ENTREP2: variants seen among roughly 807,000 people sequenced by gnomAD.
ENTREP2 encodes the protein endosomal transmembrane epsin interactor 2, also known as protein ENTREP2.
the ENTREP2 span, among the ~76,000 whole-genome samples, chr15:29,460,724 G>A: frequency 6.6e-6 from 1 of 152,156 alleles, no homozygotes; most frequent in African/African-American, 2.4e-5. Context: ...GAGAAATTTA[G>A]CAATAACAAA....
chr15:29,167,148 C>T, the ENTREP2 span, among the ~76,000 whole-genome samples: 1 of 152,242 alleles, frequency 6.6e-6, no homozygotes. Flanking sequence ...CCTCATCTGT[C>T]ACCTTATACA....
At chr15:29,558,973 G>A in the ENTREP2 span, among the ~76,000 whole-genome samples, 2 of 151,872 alleles carry the variant, frequency 1.3e-5, no homozygotes, top group South Asian at 2.1e-4. Flanking sequence ...TCAATATGAG[G>A]CTATTAGTAG....
chr15:29,154,342 A>G, the ENTREP2 span, among the ~76,000 whole-genome samples: 1 of 152,156 alleles, frequency 6.6e-6, no homozygotes, highest in African/African-American at 2.4e-5. Context: ...GACTAAGATC[A>G]TGAAAGCAGA....
At chr15:29,168,415 T>C in the ENTREP2 span, among the ~76,000 whole-genome samples, 1 of 152,194 alleles carries the variant, frequency 6.6e-6, no homozygotes, top group East Asian at 1.9e-4. Flanking sequence ...ACAAAGACTC[T>C]TGTTGGTAGC....
the ENTREP2 span, among the ~76,000 whole-genome samples, chr15:29,182,998 G>A: frequency 6.6e-6 from 1 of 152,270 alleles, no homozygotes; most frequent in South Asian, 2.1e-4. Context: ...CTCAGTGTGA[G>A]AGGCAAAGTT....
At chr15:29,307,816 C>G in the ENTREP2 span, among the ~76,000 whole-genome samples, 6,192 of 152,236 alleles carry the variant, frequency 0.041, 401 homozygotes, top group African/African-American at 0.14. Flanking sequence ...CAAGTCCTCA[C>G]GAGAACCAGA....
chr15:29,229,770 T>G, the ENTREP2 span, among the ~76,000 whole-genome samples: 1 of 152,198 alleles, frequency 6.6e-6, no homozygotes, highest in Non-Finnish European at 1.5e-5. Flanking sequence ...GCTCCTGTAG[T>G]GCAGACTCTG....
the ENTREP2 span, among the ~76,000 whole-genome samples, chr15:29,344,931 GACACACACAC>G: frequency 8.8e-4 from 125 of 142,600 alleles, no homozygotes; most frequent in African/African-American, 1.6e-3. Context: ...CACGCGCGCA[GACACACACAC>G]ACACACACAC....
At chr15:29,275,333 T>C in the ENTREP2 span, among the ~76,000 whole-genome samples, 1 of 152,186 alleles carries the variant, frequency 6.6e-6, no homozygotes, top group Non-Finnish European at 1.5e-5. Flanking sequence ...GCTTGGGAGA[T>C]GAATAAAAAA....
chr15:29,136,223 G>C, the ENTREP2 span: 4 of 816,052 alleles, frequency 4.9e-6, no homozygotes, highest in Non-Finnish European at 7.1e-6. Context: ...GCATCCGGGG[G>C]CCTCGGCACA....
the ENTREP2 span, among the ~76,000 whole-genome samples, chr15:29,279,653 G>A: frequency 1.9e-3 from 290 of 152,188 alleles, 2 homozygotes; most frequent in Non-Finnish European, 2.4e-3. Flanking sequence ...ATGAGCCACC[G>A]CGCCTGGCCT....
chr15:29,314,538 T>C, the ENTREP2 span, among the ~76,000 whole-genome samples: 1 of 152,186 alleles, frequency 6.6e-6, no homozygotes, highest in Non-Finnish European at 1.5e-5. Context: ...TCAAGGTATA[T>C]GTATAATTTT....
the ENTREP2 span, among the ~76,000 whole-genome samples, chr15:29,277,351 A>G: frequency 1.7e-3 from 265 of 152,166 alleles, no homozygotes; most frequent in African/African-American, 6.2e-3. Flanking sequence ...CAAAGAAAAA[A>G]AAAAAAAAGT....
chr15:29,532,322 C>A, the ENTREP2 span, among the ~76,000 whole-genome samples: 1 of 152,142 alleles, frequency 6.6e-6, no homozygotes, highest in African/African-American at 2.4e-5. Context: ...GCATTAAAAT[C>A]TGATTAAAAT....
At chr15:29,333,420 C>T in the ENTREP2 span, among the ~76,000 whole-genome samples, 3 of 152,134 alleles carry the variant, frequency 2.0e-5, no homozygotes, top group Non-Finnish European at 2.9e-5. Context: ...AGACATCCAG[C>T]ACCCCCCGCC....
chr15:29,601,193 G>A, the ENTREP2 span, among the ~76,000 whole-genome samples: 10 of 148,892 alleles, frequency 6.7e-5, no homozygotes, highest in East Asian at 1.9e-4. Flanking sequence ...CACCGCGCCC[G>A]GCCTGATTTT....
At chr15:29,546,901 C>CA in the ENTREP2 span, among the ~76,000 whole-genome samples, 84 of 40,838 alleles carry the variant, frequency 2.1e-3, 1 homozygote, top group African/African-American at 0.014. Context: ...AAAAAAACAA[C>CA]AACAAAAAAA....
chr15:29,269,910 G>T, the ENTREP2 span: 1 of 514,062 alleles, frequency 1.9e-6, no homozygotes, highest in Non-Finnish European at 3.3e-6. Flanking sequence ...AAGGAACAGC[G>T]TTTTCCGTGC....
At chr15:29,428,739 C>T in the ENTREP2 span, among the ~76,000 whole-genome samples, 2 of 152,134 alleles carry the variant, frequency 1.3e-5, no homozygotes, top group Admixed American at 1.3e-4. Flanking sequence ...TGCCATTCAC[C>T]AGCACACACA....
Sources: allele counts gnomAD v4.1 joint callset (sites outside exome capture counted in the v4.1 genomes callset), GRCh38; gene constraint gnomAD v4.1.1; transcripts MANE v1.5; gene names NCBI Gene and HGNC (gene_info 2026-07-23, HGNC 2026-07-21).